Variants in RIT2 observed in about 807,000 individuals in gnomAD.
RIT2 encodes Ras like without CAAX 2.
In RIT2, 24 loss-of-function variants were observed where a neutral mutation model predicts 23.7. The ratio of observed to expected loss-of-function variants is 1.01; its 90% CI spans 0.73 to 1.43. The LOEUF (loss-of-function observed/expected upper bound fraction) is 1.43, where lower values mean the gene tolerates loss of function less well. Among genes scored for constraint, RIT2 ranks in the 40% most tolerant of loss-of-function variants. RIT2 has a pLI of 0.00. For synonymous variants in RIT2, 107 were observed against 91.1 expected, an observed-to-expected ratio of 1.17 and a Z score of -0.99; for missense variants, 236 against 266.9, an observed-to-expected ratio of 0.88 and a Z score of 0.81.
intron 3 of RIT2, among the ~76,000 whole-genome samples, chr18:42,946,579 G>A (rs1447445092): frequency 1.3e-5 from 2 of 151,990 alleles, no homozygotes; most frequent in South Asian, 2.1e-4. Flanking sequence ...ATTTGCTAAT[G>A]GGAACAAAAC....
Position 42,974,116 on chromosome 18 carries a change from G to T in RIT2, c.192C>A (p.Asp64Glu), listed in dbSNP as rs1280601502. The change falls in exon 3 of 5, where the codon GAC becomes GAA. Residue 64 changes from aspartate (D) to glutamate (E), a missense_variant. By Grantham distance (45) the Asp-to-Glu change is conservative. Coordinates refer to ENST00000326695, the MANE Select transcript of RIT2 (RefSeq NM_002930.4). ...AGATGTCCAAGTAAGCTGGCTCATTGTCAATCCTGACCTGGGTCTTATAAG... is the reference window on the plus strand; with the variant it reads ...AGATGTCCAAGTAAGCTGGCTCATTTTCAATCCTGACCTGGGTCTTATAAG... ...EDAYKTQVRI[D>E]NEPAYLDILD... The T allele has an allele frequency of 1.9e-6, 3 of 1,611,470 alleles. No individual in the cohort carries two copies. Among genetic ancestry groups the T allele is most frequent in the Non-Finnish European group, 2.5e-6 (3 of 1,178,504 alleles).
At chr18:43,013,542 T>C (rs964336363) in intron 2 of RIT2, among the ~76,000 whole-genome samples, 4 of 151,752 alleles carry the variant, frequency 2.6e-5, no homozygotes, top group Non-Finnish European at 5.9e-5. Flanking sequence ...CAGAAAAACA[T>C]GCCATCATTT....
At chr18:43,039,109 T>G (rs564767913) in intron 1 of RIT2, among the ~76,000 whole-genome samples, 1 of 152,210 alleles carries the variant, frequency 6.6e-6, no homozygotes, top group Non-Finnish European at 1.5e-5. Flanking sequence ...GTTCTGGTTC[T>G]GTTTACTGTC....
chr18:42,831,668 T>C (rs959256671), intron 4 of RIT2, among the ~76,000 whole-genome samples: 6 of 152,244 alleles, frequency 3.9e-5, no homozygotes, highest in African/African-American at 4.8e-5. Context: ...GTAATGAGGC[T>C]GACATTTGTG....
intron 4 of RIT2, among the ~76,000 whole-genome samples, chr18:42,906,418 G>C (rs992607784): frequency 6.6e-6 from 1 of 152,064 alleles, no homozygotes; most frequent in African/African-American, 2.4e-5. Flanking sequence ...TTATTACTAT[G>C]TGGTTTTCTT....
At chr18:42,828,003 C>CAAAAAAA (rs200737336) in intron 4 of RIT2, among the ~76,000 whole-genome samples, 222 of 49,580 alleles carry the variant, frequency 4.5e-3, no homozygotes, top group Middle Eastern at 0.014. Flanking sequence ...GACTCCGTCT[C>CAAAAAAA]AAAAAAAAAA....
intron 2 of RIT2, among the ~76,000 whole-genome samples, chr18:43,010,512 A>T (rs1392390896): frequency 1.3e-5 from 2 of 151,828 alleles, no homozygotes; most frequent in Non-Finnish European, 2.9e-5. Flanking sequence ...AAATGATTGT[A>T]TTTCTTCTGC....
rs1430520296 is a variant in RIT2, at chr18:42,801,501, G to A, written c.427-57781C>T. Reference sequence around the variant, plus strand: ...AGCATAGAACACTGACAACATCTGGGTCCTTTTTAGAATCAGAATATCTAA... The same window carrying A: ...AGCATAGAACACTGACAACATCTGGATCCTTTTTAGAATCAGAATATCTAA... On this transcript the variant is annotated intron_variant, in intron 4 of 4. Coordinates refer to ENST00000326695, the MANE Select transcript of RIT2 (RefSeq NM_002930.4). Among the ~76,000 whole-genome samples the A allele has an allele frequency of 2.0e-5, 3 of 152,098 alleles. No individual in the cohort carries two copies. In the East Asian group the frequency reaches 5.8e-4, roughly 29 times the overall value.
chr18:43,097,688 A>G (rs1913587039), intron 1 of RIT2, among the ~76,000 whole-genome samples: 1 of 151,952 alleles, frequency 6.6e-6, no homozygotes, highest in Non-Finnish European at 1.5e-5. Context: ...TAGAAGGTCT[A>G]CATAGAAATC....
chr18:42,823,201 C>G (rs1035347434), intron 4 of RIT2, among the ~76,000 whole-genome samples: 1 of 152,080 alleles, frequency 6.6e-6, no homozygotes, highest in African/African-American at 2.4e-5. Context: ...TCTCTGAGTG[C>G]TCCCTCAGCA....
At chr18:42,750,243 C>T (rs567254354) in intron 4 of RIT2, among the ~76,000 whole-genome samples, 181 of 151,816 alleles carry the variant, frequency 1.2e-3, no homozygotes, top group Non-Finnish European at 2.3e-3. Flanking sequence ...TTACATTTTT[C>T]GAGAGTTTAA....
At chr18:43,075,934 AG>A (rs1381956079) in intron 1 of RIT2, among the ~76,000 whole-genome samples, 1 of 152,204 alleles carries the variant, frequency 6.6e-6, no homozygotes, top group African/African-American at 2.4e-5. Flanking sequence ...AGTGAATAAA[AG>A]GGTATTTGCG....
chr18:42,778,499 C>A (rs1332404824), intron 4 of RIT2, among the ~76,000 whole-genome samples: 2 of 151,896 alleles, frequency 1.3e-5, no homozygotes, highest in Admixed American at 1.3e-4. Flanking sequence ...TAAGAAAGAC[C>A]AATACATTTT....
At chr18:43,071,402 T>C (rs1912893839) in intron 1 of RIT2, among the ~76,000 whole-genome samples, 1 of 152,154 alleles carries the variant, frequency 6.6e-6, no homozygotes, top group Non-Finnish European at 1.5e-5. Flanking sequence ...GATGTGAATT[T>C]GAATGGGACA....
chr18:42,948,471 A>G (rs572732918), intron 3 of RIT2, among the ~76,000 whole-genome samples: 2 of 152,166 alleles, frequency 1.3e-5, no homozygotes, highest in African/African-American at 4.8e-5. Flanking sequence ...CTTGTTATAG[A>G]ATTAGTAGTC....
At chr18:42,966,361 C>T (rs983711359) in intron 3 of RIT2, among the ~76,000 whole-genome samples, 13 of 151,992 alleles carry the variant, frequency 8.6e-5, no homozygotes, top group African/African-American at 1.4e-4. Flanking sequence ...TTCTCTTTTT[C>T]GGCTATTTCT....
chr18:42,974,860 T>C (rs1231029321), intron 2 of RIT2, among the ~76,000 whole-genome samples: 4 of 152,106 alleles, frequency 2.6e-5, no homozygotes, highest in East Asian at 1.9e-4. Flanking sequence ...TGAAGACTTC[T>C]ACATTGAAAA....
chr18:42,766,228 G>A (rs146664380), intron 4 of RIT2, among the ~76,000 whole-genome samples: 2,380 of 152,274 alleles, frequency 0.016, 75 homozygotes, highest in African/African-American at 0.055. Flanking sequence ...GAAAATGTGG[G>A]AAAGTTTGGA....
chr18:43,041,898 A>G (rs1188760080), intron 1 of RIT2, among the ~76,000 whole-genome samples: 4 of 152,130 alleles, frequency 2.6e-5, no homozygotes, highest in Non-Finnish European at 4.4e-5. Context: ...TGAAAGAGGA[A>G]AATTATAGAA....
Sources: gnomAD v4.1 joint callset for allele counts (sites outside exome capture counted in the v4.1 genomes callset) on GRCh38, gnomAD v4.1.1 for gene constraint, MANE v1.5 for transcripts, NCBI Gene and HGNC (gene_info 2026-07-23, HGNC 2026-07-21) for gene names.